PAX8: variants seen among roughly 807,000 people sequenced by gnomAD.
PAX8 encodes paired box 8, also known as paired box protein Pax-8.
A neutral mutation model predicts 52.4 loss-of-function variants in PAX8; 15 were observed. That is an observed-to-expected ratio of 0.29 (90% CI 0.19 to 0.44). The LOEUF is 0.44. Ranked by LOEUF, PAX8 falls within the 20% of genes least tolerant of loss-of-function variation. The pLI is 1.00. For missense variants in PAX8, 554 were observed against 602.5 expected (o/e 0.92, Z 0.84); for synonymous variants, 284 against 249.7 (o/e 1.14, Z -1.29).
At chr2:113,278,064 G>A (rs1054255625) in intron 2 of PAX8, among the ~76,000 whole-genome samples, 12 of 152,146 alleles carry the variant, frequency 7.9e-5, no homozygotes, top group Admixed American at 6.5e-5. Context: ...ACACTAATGC[G>A]CCATGCAAGG....
rs772686587 is a variant in PAX8 at position 113,244,471 on chromosome 2, G to T, written c.345C>A (p.Gly115=). The change falls in exon 4 of 12, where the codon GGC becomes GGA. Residue 115 remains glycine (G), a synonymous_variant. Transcript: ENST00000429538. The stretch of plus-strand genomic sequence containing the variant: ...TGGGCACAGTGTCATTGTCACAGAC[G>T]CCCTCAGCCAGGAGCCGGTCTCGGA... ...WEIRDRLLAE[G]VCDNDTVPSV... 1.2e-6 allele frequency: 2 copies of T among 1,614,010 alleles called. No homozygotes were observed. Among genetic ancestry groups the T allele is most frequent in the Non-Finnish European group, 1.7e-6 (2 of 1,179,930 alleles).
intron 2 of PAX8, among the ~76,000 whole-genome samples, chr2:113,247,702 C>G (rs766070674): frequency 2.0e-5 from 3 of 152,322 alleles, no homozygotes; most frequent in African/African-American, 7.2e-5. Context: ...CTGGCCCCAG[C>G]CTGTGTTTCA....
intron 2 of PAX8, chr2:113,259,288 T>A (rs1692491486): frequency 6.5e-6 from 1 of 152,848 alleles, no homozygotes; most frequent in African/African-American, 2.4e-5. Context: ...CCTCTGTGAA[T>A]GTGGCTTTGG....
At chr2:113,247,598 GAC>G (rs1395771111) in intron 2 of PAX8, among the ~76,000 whole-genome samples, 1 of 152,204 alleles carries the variant, frequency 6.6e-6, no homozygotes, top group Non-Finnish European at 1.5e-5. Flanking sequence ...TTCCAGGACT[GAC>G]ACAGGGGCTA....
chr2:113,267,407 T>C (rs1693157921), intron 2 of PAX8: 1 of 152,226 alleles, frequency 6.6e-6, no homozygotes, highest in African/African-American at 2.4e-5. Flanking sequence ...ACAAGAATGC[T>C]GGACCAAAAG....
At chr2:113,269,238 C>G (rs114079352) in intron 2 of PAX8, 3 of 152,218 alleles carry the variant, frequency 2.0e-5, no homozygotes, top group Non-Finnish European at 4.4e-5. Context: ...GTCCAGCAGC[C>G]CTGAGATGGA....
At chr2:113,221,880 T>C in intron 10 of PAX8, among the ~76,000 whole-genome samples, 1 of 151,976 alleles carries the variant, frequency 6.6e-6, no homozygotes, top group East Asian at 1.9e-4. Flanking sequence ...AGTAAGAAAG[T>C]TCCTTAGGGG....
At chr2:113,241,882 ATGT>A (rs1690878504) in intron 6 of PAX8, 123 bp downstream of exon 6, 1 of 1,430,160 alleles carries the variant, frequency 7.0e-7, no homozygotes, top group African/African-American at 1.4e-5. Context: ...GGGACAGGAC[ATGT>A]GACAGTCACA....
intron 10 of PAX8, among the ~76,000 whole-genome samples, chr2:113,222,612 G>A (rs77047991): frequency 0.042 from 6,333 of 152,162 alleles, 227 homozygotes; most frequent in South Asian, 0.15. Context: ...GGATTTGGCC[G>A]CTCCAATGAT....
intron 7 of PAX8, chr2:113,238,797 A>C: frequency 6.6e-6 from 1 of 152,244 alleles, no homozygotes; most frequent in Non-Finnish European, 1.5e-5. Context: ...GAAATTTTGT[A>C]TACTTATACA....
chr2:113,241,425 A>G, intron 7 of PAX8, 126 bp downstream of exon 7: 1 of 882,168 alleles, frequency 1.1e-6, no homozygotes, highest in South Asian at 1.4e-5. Context: ...GGAGTTGCAT[A>G]AGGCAGGTGC....
chr2:113,220,029 C>T, intron 11 of PAX8, 63 bp downstream of exon 11: 1 of 1,235,744 alleles, frequency 8.1e-7, no homozygotes, highest in Non-Finnish European at 1.2e-6. Flanking sequence ...TTTGACCCAC[C>T]CTTGCCCCCC....
chr2:113,220,113 A>C lies in PAX8; in HGVS notation c.1255T>G (p.Phe419Val). Residue 419 changes from phenylalanine to valine, a missense_variant, in exon 11 of 12, where the codon TTC (phenylalanine) becomes GTC (valine). This residue lies in a region of PAX8 where 445 missense variants were observed against 409.9 expected (regional missense o/e 1.09). Coordinates refer to ENST00000429538, the MANE Select transcript of PAX8 (RefSeq NM_003466.4). The part of the protein sequence containing the change: ...PYSSYSEAWR[F>V]PNSSLLSSPY... ...TTACTCAGCAAGCTGGAGTTGGGGA[A>C]GCGCCAGGCCTCGCTGTAGGAGGAG... 1 of 1,613,726 alleles carries C rather than the reference A, an allele frequency of 6.2e-7. No individual in the cohort carries two copies. The highest frequency in any genetic ancestry group is 8.5e-7 in the Non-Finnish European group (1 of 1,179,822).
At chr2:113,247,322 T>G (rs888486762) in intron 2 of PAX8, among the ~76,000 whole-genome samples, 1 of 152,266 alleles carries the variant, frequency 6.6e-6, no homozygotes, top group Admixed American at 6.5e-5. Flanking sequence ...TCTGAGAGTC[T>G]CTTTTCCTTT....
chr2:113,246,955 G>T (rs779745250), intron 2 of PAX8, 36 bp from the exon 3 acceptor site: 1 of 1,593,772 alleles, frequency 6.3e-7, no homozygotes, highest in South Asian at 1.1e-5. Flanking sequence ...AGCTGTCAGG[G>T]TCAGGTAGGA....
Position 113,217,588 on chromosome 2 carries a change from A to C in PAX8, c.*945T>G, listed in dbSNP as rs2104408265. ...GCTGGGGAGCAGAGAGGGACCCTCT[A>C]TCGCTGGCTTCAGGGGGTGCCTTGG... On this transcript the variant is annotated 3_prime_UTR_variant, in exon 12 of 12. Coordinates refer to ENST00000429538, the MANE Select transcript of PAX8 (RefSeq NM_003466.4). 4.3e-6 allele frequency: 1 copy of C among 230,666 alleles called. No homozygotes were observed. Among genetic ancestry groups the C allele is most frequent in the South Asian group, 1.8e-4 (1 of 5,520 alleles). 14.3% of individuals were successfully genotyped at this position (230,666 alleles called of 1,614,324 possible). A position where few individuals can be genotyped will look rare whatever the true frequency, so the allele number is the denominator to read the frequency against.
chr2:113,254,647 A>G (rs1229285808), intron 2 of PAX8, among the ~76,000 whole-genome samples: 1 of 152,204 alleles, frequency 6.6e-6, no homozygotes, highest in East Asian at 1.9e-4. Context: ...GCAAAGTCCA[A>G]GCTACTAAAT....
intron 10 of PAX8, among the ~76,000 whole-genome samples, chr2:113,223,391 G>A (rs72831811): frequency 7.2e-4 from 110 of 152,224 alleles, no homozygotes; most frequent in Non-Finnish European, 1.4e-3. Flanking sequence ...CCTAACTCAA[G>A]CCACTGTCAT....
chr2:113,218,620 T>TAAA lies in PAX8; in HGVS notation c.1277-14_1277-12dup. 6.9e-7 allele frequency: 1 copy of TAAA among 1,442,370 alleles called. No individual in the cohort carries two copies. The highest frequency in any genetic ancestry group is 9.4e-7 in the Non-Finnish European group (1 of 1,065,558). 89.3% of individuals were successfully genotyped at this position (1,442,370 alleles called of 1,614,324 possible). A position where few individuals can be genotyped will look rare whatever the true frequency, so the allele number is the denominator to read the frequency against. On this transcript the variant is annotated splice_polypyrimidine_tract_variant and intron_variant, in intron 11 of 11. Transcript: ENST00000429538. ...AATAATATGGGGAACCTGGACACAT[T>TAAA]AAAAAAAAATAACAACAACACTGCT...
Sources: gnomAD v4.1 joint callset for allele counts (sites outside exome capture counted in the v4.1 genomes callset) on GRCh38, gnomAD v4.1.1 for gene constraint, gnomAD v4.1.1 regional missense constraint, MANE v1.5 for transcripts, NCBI Gene and HGNC (gene_info 2026-07-23, HGNC 2026-07-21) for gene names.